SFI1: variants seen among roughly 807,000 people sequenced by gnomAD.
SFI1 encodes SFI1 centrin binding protein, also known as protein SFI1 homolog.
In SFI1, 195 loss-of-function variants were observed where a neutral mutation model predicts 207.5. The observed-to-expected ratio is 0.94, with a 90% CI of 0.84 to 1.06. The LOEUF (loss-of-function observed/expected upper bound fraction) is 1.06, where lower values mean the gene tolerates loss of function less well. Ranked by LOEUF, SFI1 falls within the 50% of genes least tolerant of loss-of-function variation. The probability of loss-of-function intolerance (pLI) is 0.00; values close to 1 mark genes in which losing one functional copy is unlikely to be tolerated. For synonymous variants in SFI1, 630 were observed against 598.9 expected (o/e 1.05, Z -0.76); for missense variants, 1,634 against 1,588.0 (o/e 1.03, Z -0.49).
Position 31,584,976 on chromosome 22 carries a change from A to G in SFI1, c.1347-92A>G, listed in dbSNP as rs929579133. ...ACTAGTAAGCCCATGGGGTGCCTTT[A>G]ACTCACAGGAAGTAACTGTACCGCA... is the stretch of plus-strand genomic sequence containing the variant. On this transcript the variant is annotated intron_variant, in intron 13 of 32. Transcript: ENST00000400288. The G allele has an allele frequency of 2.3e-4, 238 of 1,030,656 alleles. 1 individual carries two copies. Among genetic ancestry groups the G allele is most frequent in the East Asian group, 1.9e-3 (77 of 39,858 alleles). 63.8% of individuals were successfully genotyped at this position (1,030,656 alleles called of 1,614,324 possible). A position where few individuals can be genotyped will look rare whatever the true frequency, so the allele number is the denominator to read the frequency against.
At chr22:31,501,700 C>T (rs941898142) in intron 1 of SFI1, among the ~76,000 whole-genome samples, 1 of 152,148 alleles carries the variant, frequency 6.6e-6, no homozygotes, top group African/African-American at 2.4e-5. Flanking sequence ...AGCACTAATG[C>T]GTAGCAGAGT....
In SFI1 at chr22:31,618,491, TTTTAAG is replaced by T. The variant is rs2072233317; in HGVS notation, c.*77_*82del. 4.5e-6 allele frequency: 6 copies of T among 1,348,204 alleles called. No homozygotes were observed. Among genetic ancestry groups the T allele is most frequent in the South Asian group, 3.4e-5 (2 of 58,336 alleles). 83.5% of individuals were successfully genotyped at this position (1,348,204 alleles called of 1,614,324 possible). On this transcript the variant is annotated 3_prime_UTR_variant, in exon 33 of 33. Transcript: ENST00000400288. Reference sequence around the variant, plus strand: ...GGCCACCTCCAGGAACAGAACACAGTTTTAAGTTTGATTTTTTTTATTTCAAAATGC... The same window carrying T: ...GGCCACCTCCAGGAACAGAACACAGTTTTGATTTTTTTTATTTCAAAATGC...
intron 4 of SFI1, among the ~76,000 whole-genome samples, chr22:31,539,729 T>A (rs1278788541): frequency 6.6e-6 from 1 of 152,086 alleles, no homozygotes; most frequent in Non-Finnish European, 1.5e-5. Flanking sequence ...AGAAGCCTTT[T>A]TTTTTTGAGA....
rs1379530905 is a variant in SFI1 at position 31,561,306 on chromosome 22, T to G, written c.679T>G (p.Trp227Gly). The G allele has an allele frequency of 7.4e-6, 12 of 1,613,926 alleles. No homozygotes were observed. In the African/African-American group the frequency reaches 1.5e-4, roughly 20 times the overall value. The change falls in exon 8 of 33, where the codon TGG becomes GGG. Residue 227 changes from tryptophan (W) to glycine (G), a missense_variant. Trp to Gly is a radical substitution (Grantham distance 184). Coordinates refer to ENST00000400288, the MANE Select transcript of SFI1 (RefSeq NM_001007467.3). ...GTTTCACAGGGTGTGGTGGAGCACG[T>G]GGAGGCAGCGACTAGGACAGGTCCG... is the stretch of plus-strand genomic sequence containing the variant. ...RIILRVWWST[W>G]RQRLGQVRVS...
chr22:31,575,652 A>G (rs3818165), intron 10 of SFI1, among the ~76,000 whole-genome samples: 2,226 of 152,230 alleles, frequency 0.015, 48 homozygotes, highest in African/African-American at 0.042. Context: ...TTCCTAGCAC[A>G]CCTATTTGCT....
intron 5 of SFI1, among the ~76,000 whole-genome samples, chr22:31,548,410 A>AAAAAC (rs926795875): frequency 4.0e-5 from 6 of 151,684 alleles, no homozygotes; most frequent in East Asian, 1.9e-4. Context: ...GTCTCTATTA[A>AAAAAC]AAAACAAAAC....
At chr22:31,575,666 C>T (rs2145925451) in intron 10 of SFI1, among the ~76,000 whole-genome samples, 1 of 152,310 alleles carries the variant, frequency 6.6e-6, no homozygotes, top group South Asian at 2.1e-4. Context: ...ATTTGCTCCT[C>T]CCTGACTGCG....
chr22:31,575,094 GTGTGTGTGTGTGTGTGT>G, intron 9 of SFI1, 120 bp from the exon 10 acceptor site: 7 of 265,826 alleles, frequency 2.6e-5, no homozygotes, highest in African/African-American at 1.6e-4. Flanking sequence ...GCGTGTGTGT[GTGTGTGTGTGTGTGTGT>G]GTGTGTGTGT....
At chr22:31,616,535 G>A (rs1285443201) in intron 29 of SFI1, 6 of 469,526 alleles carry the variant, frequency 1.3e-5, no homozygotes, top group South Asian at 9.6e-5. Flanking sequence ...GGTTGCTTGC[G>A]GGACTTTCCC....
rs116016310 is a variant in SFI1 at position 31,555,441 on chromosome 22, C to T, written c.545-1501C>T. On this transcript the variant is annotated intron_variant, in intron 6 of 32. Transcript: ENST00000400288. ...TATTTCAGGCCATTCCCCTAGACCT[C>T]AGGGAGTGTCCATTCACTCTTGGAC... 7.0e-3 allele frequency among the ~76,000 whole-genome samples: 1,066 copies of T among 152,298 alleles called. 20 individuals are homozygous for T. The highest frequency in any genetic ancestry group is 0.023 in the African/African-American group (964 of 41,570).
chr22:31,526,818 C>T (rs957291892), intron 2 of SFI1, among the ~76,000 whole-genome samples: 4 of 152,094 alleles, frequency 2.6e-5, no homozygotes, highest in African/African-American at 9.7e-5. Context: ...CTGCCTCAGC[C>T]TCTCAAAATG....
chr22:31,588,092 C>T (rs1239074155), intron 14 of SFI1, among the ~76,000 whole-genome samples: 2 of 152,166 alleles, frequency 1.3e-5, no homozygotes, highest in Admixed American at 1.3e-4. Context: ...TGAGACAGGA[C>T]TTAATGGGAA....
intron 8 of SFI1, chr22:31,572,829 C>T (rs1182000855): frequency 5.0e-6 from 2 of 396,318 alleles, no homozygotes; most frequent in East Asian, 8.1e-5. Flanking sequence ...TGATTTTATT[C>T]TTCTTTTTTT....
chr22:31,511,598 A>C (rs1019523906), intron 2 of SFI1, among the ~76,000 whole-genome samples: 1 of 150,088 alleles, frequency 6.7e-6, no homozygotes, highest in South Asian at 2.1e-4. Flanking sequence ...TGGTTTCTTC[A>C]AATACCCTGC....
At chr22:31,526,514 A>G (rs2057927324) in intron 2 of SFI1, among the ~76,000 whole-genome samples, 1 of 152,174 alleles carries the variant, frequency 6.6e-6, no homozygotes, top group African/African-American at 2.4e-5. Flanking sequence ...TGGGAGCTAC[A>G]ATTGCAGATG....
intron 1 of SFI1, among the ~76,000 whole-genome samples, chr22:31,505,174 C>T (rs1383814693): frequency 6.6e-6 from 1 of 152,168 alleles, no homozygotes; most frequent in Non-Finnish European, 1.5e-5. Context: ...CACAGTGGCT[C>T]ACGCCTATAA....
chr22:31,528,738 G>A lies in SFI1; in HGVS notation c.141G>A (p.Leu47=). The A allele has an allele frequency of 6.2e-7, 1 of 1,614,162 alleles. No homozygotes were observed. Among genetic ancestry groups the A allele is most frequent in the African/African-American group, 1.3e-5 (1 of 75,044 alleles). ...AGAAACCTTATTCTGCAAAGACACT[G>A]TCCAACAAGAAGTCTTCTGCATCCT... ...AVKKPYSAKT[L]SNKKSSASFG... The change falls in exon 3 of 33, where the codon CTG becomes CTA. Residue 47 remains leucine, a synonymous_variant. Transcript: ENST00000400288.
chr22:31,603,912 C>T (rs954174199), intron 18 of SFI1, 93 bp downstream of exon 18: 1 of 1,150,706 alleles, frequency 8.7e-7, no homozygotes, highest in African/African-American at 1.6e-5. Context: ...TGGGCCACAC[C>T]ACCTACCTCT....
intron 5 of SFI1, among the ~76,000 whole-genome samples, chr22:31,548,986 A>T (rs1449432941): frequency 1.3e-5 from 2 of 151,880 alleles, no homozygotes; most frequent in Non-Finnish European, 2.9e-5. Context: ...GATAGTTAAG[A>T]TAATTAGGAT....
Sources: gnomAD v4.1 joint callset for allele counts (sites outside exome capture counted in the v4.1 genomes callset) on GRCh38, gnomAD v4.1.1 for gene constraint, MANE v1.5 for transcripts, NCBI Gene and HGNC (gene_info 2026-07-23, HGNC 2026-07-21) for gene names.